The following CDK13 variants were observed in gnomAD, a reference collection of about 807,000 sequenced individuals.
CDK13 encodes cyclin-dependent kinase 13.
CDK13 carries 40 observed loss-of-function variants against 137.6 expected under a neutral mutation model. That is an observed-to-expected ratio of 0.29 (90% CI 0.23 to 0.38). The LOEUF (loss-of-function observed/expected upper bound fraction) is 0.38, where lower values mean the gene tolerates loss of function less well. Ranked by LOEUF, CDK13 falls within the 10% of genes least tolerant of loss-of-function variation. CDK13 has a pLI of 1.00. For missense variants in CDK13, 1,704 were observed against 1,951.8 expected, an observed-to-expected ratio of 0.87 and a Z score of 2.39; for synonymous variants, 869 against 760.1, an observed-to-expected ratio of 1.14 and a Z score of -2.36.
At chr7:39,951,916 G>A (rs1177960356) in intron 1 of CDK13, 64 bp downstream of exon 1, 1 of 1,313,158 alleles carries the variant, frequency 7.6e-7, no homozygotes, top group African/African-American at 1.5e-5. Flanking sequence ...AGGAGGAAGG[G>A]AAAGTGGTGC....
chr7:40,082,208 G>A (rs1266946279), intron 11 of CDK13, among the ~76,000 whole-genome samples: 2 of 152,064 alleles, frequency 1.3e-5, no homozygotes, highest in African/African-American at 2.4e-5. Context: ...ATGATTTTAG[G>A]CTGGGCGCAG....
rs571000707 is a variant in CDK13, at chr7:40,052,280, G to C, written c.2600+4403G>C. 1.6e-4 allele frequency among the ~76,000 whole-genome samples: 24 copies of C among 152,174 alleles called. No homozygotes were observed. The South Asian group carries it at 5.0e-3, about 32-fold the overall frequency. ...CAACCTCCGCCTCCTAGGTTTAAGC[G>C]ATTCTCCTGCCTCAGCCTCCTGAGT... On this transcript the variant is annotated intron_variant, in intron 7 of 13. Coordinates refer to ENST00000181839, the MANE Select transcript of CDK13 (RefSeq NM_003718.5).
chr7:40,028,156 G>A (rs1335418369), intron 5 of CDK13, among the ~76,000 whole-genome samples: 1 of 151,598 alleles, frequency 6.6e-6, no homozygotes, highest in Non-Finnish European at 1.5e-5. Context: ...TCAGAGTGGG[G>A]GTTTTCACCA....
intron 5 of CDK13, among the ~76,000 whole-genome samples, chr7:40,014,225 C>T (rs1199289604): frequency 1.3e-5 from 2 of 151,468 alleles, no homozygotes; most frequent in East Asian, 1.9e-4. Flanking sequence ...AGTGCTGCCA[C>T]GCCCAGCTAA....
chr7:39,971,896 C>CA (rs563465556), intron 1 of CDK13, among the ~76,000 whole-genome samples: 146 of 151,236 alleles, frequency 9.7e-4, no homozygotes, highest in Non-Finnish European at 1.9e-3. Flanking sequence ...AAATGAAAAA[C>CA]AAAAAAAACA....
intron 1 of CDK13, among the ~76,000 whole-genome samples, chr7:39,975,289 T>C (rs1158891869): frequency 6.6e-6 from 1 of 152,010 alleles, no homozygotes; most frequent in East Asian, 1.9e-4. Context: ...TGGTGTGCAC[T>C]TGTCCCATCT....
chr7:39,980,340 A>T (rs1234618844), intron 1 of CDK13, among the ~76,000 whole-genome samples: 1 of 152,200 alleles, frequency 6.6e-6, no homozygotes, highest in Non-Finnish European at 1.5e-5. Flanking sequence ...TGAGAATAGT[A>T]TTTTGCGTCT....
At chr7:40,034,899 C>T (rs531085522) in intron 5 of CDK13, among the ~76,000 whole-genome samples, 2 of 152,240 alleles carry the variant, frequency 1.3e-5, no homozygotes, top group Admixed American at 6.5e-5. Context: ...ATAATTTCCT[C>T]TCTGGATTCT....
At position 40,096,479 on chromosome 7, in the gene CDK13, A is replaced by T. The variant is rs1787050249; in HGVS notation, c.*1499A>T. ...CTAATTCTAGAAAGGAACCAAAGGT[A>T]AATAACCAGTGTTTCCATTATCACT... On this transcript the variant is annotated 3_prime_UTR_variant, in exon 14 of 14. Transcript: ENST00000181839. 1 of 152,202 alleles carries T rather than the reference A, an allele frequency of 6.6e-6. No individual in the cohort carries two copies. The highest frequency in any genetic ancestry group is 6.5e-5 in the Admixed American group (1 of 15,270). The allele number at this position is 152,202 out of a possible 1,614,324, so 9.4% of individuals were successfully genotyped here. A position where few individuals can be genotyped will look rare whatever the true frequency, so the allele number is the denominator to read the frequency against.
chr7:40,061,784 A>G (rs1156307498), intron 7 of CDK13: 12 of 152,234 alleles, frequency 7.9e-5, no homozygotes, highest in African/African-American at 2.2e-4. Context: ...GAACGTGACC[A>G]TTCTCTGAGC....
At chr7:39,954,799 AAT>A (rs1041991538) in intron 1 of CDK13, among the ~76,000 whole-genome samples, 1 of 152,192 alleles carries the variant, frequency 6.6e-6, no homozygotes, top group African/African-American at 2.4e-5. Flanking sequence ...ATAAGCTGAA[AAT>A]AGAGATAGGG....
intron 1 of CDK13, among the ~76,000 whole-genome samples, chr7:39,966,428 CGTA>C (rs1448685272): frequency 6.6e-6 from 1 of 152,214 alleles, no homozygotes; most frequent in African/African-American, 2.4e-5. Flanking sequence ...GCATTCATCA[CGTA>C]GTTCTTGTGC....
chr7:39,951,739 C>T lies in CDK13; in HGVS notation c.1098C>T (p.Arg366=). 6.7e-7 allele frequency: 1 copy of T among 1,490,744 alleles called. No homozygotes were observed. The highest frequency in any genetic ancestry group is 8.8e-7 in the Non-Finnish European group (1 of 1,131,160). The allele number at this position is 1,490,744 out of a possible 1,614,324, so 92.3% of individuals were successfully genotyped here. A position where few individuals can be genotyped will look rare whatever the true frequency, so the allele number is the denominator to read the frequency against. The change falls in exon 1 of 14, where the codon CGC becomes CGT. Residue 366 remains arginine (R), a synonymous_variant. Coordinates refer to ENST00000181839, the MANE Select transcript of CDK13 (RefSeq NM_003718.5). The part of the protein sequence containing the change: ...PRSPSPYSRR[R]SPSYSRHSSY... ...CCCCGAGCCCCTACAGTCGCCGCCG[C>T]TCCCCCAGCTACAGCCGCCACAGCT...
chr7:40,006,949 T>A (rs1046688169), intron 5 of CDK13, among the ~76,000 whole-genome samples: 3 of 152,180 alleles, frequency 2.0e-5, no homozygotes, highest in African/African-American at 7.2e-5. Flanking sequence ...TTCTTTTTCC[T>A]CTTCTGCCCT....
Position 40,096,222 on chromosome 7 carries a change from T to C in CDK13, c.*1242T>C, listed in dbSNP as rs1787044198. The C allele has an allele frequency of 2.0e-5, 3 of 152,332 alleles. No homozygotes were observed. In the South Asian group the frequency reaches 6.2e-4, roughly 32 times the overall value. The allele number at this position is 152,332 out of a possible 1,614,324, so 9.4% of individuals were successfully genotyped here. On this transcript the variant is annotated 3_prime_UTR_variant, in exon 14 of 14. Transcript: ENST00000181839. ...TTGTTAACTAGAAACATTGCTTAGATTGAATTTATTGAAGCAAAAAGAAAA... is the reference window on the plus strand; with the variant it reads ...TTGTTAACTAGAAACATTGCTTAGACTGAATTTATTGAAGCAAAAAGAAAA...
At chr7:39,992,214 C>G (rs1784478507) in intron 2 of CDK13, among the ~76,000 whole-genome samples, 2 of 148,224 alleles carry the variant, frequency 1.3e-5, no homozygotes, top group Middle Eastern at 3.4e-3. Context: ...ACACTTCTCC[C>G]CGAGATGAAG....
intron 1 of CDK13, among the ~76,000 whole-genome samples, chr7:39,965,010 C>T (rs947273588): frequency 5.3e-5 from 8 of 152,162 alleles, no homozygotes; most frequent in Middle Eastern, 3.4e-3. Flanking sequence ...AATTTCTGTT[C>T]TTTTACATTT....
chr7:39,999,839 A>G (rs946844547), intron 4 of CDK13, among the ~76,000 whole-genome samples: 1 of 151,944 alleles, frequency 6.6e-6, no homozygotes, highest in East Asian at 1.9e-4. Flanking sequence ...TTTAGTAGTA[A>G]ATTTTTTTTG....
chr7:40,080,660 C>T (rs1194299101), intron 11 of CDK13, among the ~76,000 whole-genome samples: 1 of 152,038 alleles, frequency 6.6e-6, no homozygotes, highest in Non-Finnish European at 1.5e-5. Context: ...GCTCAGTACC[C>T]CTTCAAATAA....
Sources: gnomAD v4.1 joint callset for allele counts (sites outside exome capture counted in the v4.1 genomes callset) on GRCh38, gnomAD v4.1.1 for gene constraint, MANE v1.5 for transcripts, NCBI Gene and HGNC (gene_info 2026-07-23, HGNC 2026-07-21) for gene names.